Variants in HEATR1 observed in about 807,000 individuals in gnomAD.
The protein encoded by HEATR1 is HEAT repeat-containing protein 1.
A neutral mutation model predicts 248.2 loss-of-function variants in HEATR1; 77 were observed. The observed-to-expected ratio is 0.31, with a 90% CI of 0.26 to 0.37. The LOEUF is 0.37. Ranked by LOEUF, HEATR1 falls within the 10% of genes least tolerant of loss-of-function variation. HEATR1 has a pLI of 1.00. For synonymous variants in HEATR1, 897 were observed against 923.1 expected (o/e 0.97, Z 0.51); for missense variants, 2,420 against 2,504.9 (o/e 0.97, Z 0.72).
intron 10 of HEATR1, 132 bp downstream of exon 10, chr1:236,592,391 C>T: frequency 1.6e-6 from 1 of 608,432 alleles, no homozygotes; most frequent in South Asian, 2.0e-5. Flanking sequence ...CCGATACTCG[C>T]CCCTTCTTGA....
intron 29 of HEATR1, among the ~76,000 whole-genome samples, chr1:236,567,711 A>G (rs543072114): frequency 3.9e-5 from 6 of 151,980 alleles, no homozygotes; most frequent in Admixed American, 3.9e-4. Flanking sequence ...CTCTGTCTCA[A>G]ACAAACAAAA....
At position 236,558,466 on chromosome 1, in the gene HEATR1, C is replaced by A; in HGVS notation, c.4975G>T (p.Gly1659Trp). Residue 1659 changes from glycine to tryptophan, a missense_variant, in exon 36 of 45, where the codon GGG becomes TGG. Coordinates refer to ENST00000366582, the MANE Select transcript of HEATR1 (RefSeq NM_018072.6). ...CTGTTGATTGCTTGTTCTTCTTCCC[C>A]TTCCTTTTTCTTACGCTGCACAATG... ...LAIVQRKKKEGEEEQAINRQT... is the reference protein window; with the variant it reads ...LAIVQRKKKEWEEEQAINRQT... 1 of 1,614,202 alleles carries A rather than the reference C, an allele frequency of 6.2e-7. No homozygotes were observed. Among genetic ancestry groups the A allele is most frequent in the Non-Finnish European group, 8.5e-7 (1 of 1,180,034 alleles).
Position 236,571,412 on chromosome 1 carries a change from T to A in HEATR1, c.3887A>T (p.Glu1296Val). ...GGCATGGTGATGGGTCTGCGGCATC[T>A]CCGAAAGGCGGATGCACTGAACTAT... is the stretch of plus-strand genomic sequence containing the variant. ...ELIVQCIRLS[E>V]MPQTHHHALL... Residue 1296 changes from glutamate to valine, a missense_variant, in exon 28 of 45, where the codon GAG (glutamate) becomes GTG (valine). By Grantham distance (121) the Glu-to-Val change is moderately radical (BLOSUM62 -2). Coordinates refer to ENST00000366582, the MANE Select transcript of HEATR1 (RefSeq NM_018072.6). 6.2e-7 allele frequency: 1 copy of A among 1,613,262 alleles called. No homozygotes were observed. The highest frequency in any genetic ancestry group is 8.5e-7 in the Non-Finnish European group (1 of 1,179,822).
rs1663885137 is a variant in HEATR1 at position 236,586,381 on chromosome 1, G to A, written c.1787C>T (p.Ser596Leu). The change falls in exon 15 of 45, where the codon TCA becomes TTA. Residue 596 changes from serine (S) to leucine (L), a missense_variant. Transcript: ENST00000366582. ...EEILSENDQL[S>L]NQVVVCLLPF... ...CAGCAAACATACAACCACCTGATTT[G>A]ACAACTGATCATTTTCACTCAGTAT... The A allele has an allele frequency of 6.2e-7, 1 of 1,613,132 alleles. No homozygotes were observed. Among genetic ancestry groups the A allele is most frequent in the Non-Finnish European group, 8.5e-7 (1 of 1,179,264 alleles).
In HEATR1 at chr1:236,574,216, T is replaced by C. The variant is rs770963849; in HGVS notation, c.3445A>G (p.Ser1149Gly). 1.2e-5 allele frequency: 19 copies of C among 1,606,088 alleles called. No individual in the cohort carries two copies. The Admixed American group carries it at 3.3e-4, about 28-fold the overall frequency. ...KNSHCAQTVS[S>G]VFKGISVNAE... ...TTGCAGCTTACCCCTTTAAAAACAC[T>C]GCTGACAGTCTGAGCACAATGTGAG... Residue 1149 changes from serine to glycine, a missense_variant, in exon 24 of 45, where the codon AGT becomes GGT. Transcript: ENST00000366582.
intron 33 of HEATR1, among the ~76,000 whole-genome samples, chr1:236,560,789 A>G (rs74152013): frequency 1.4e-3 from 213 of 152,362 alleles, no homozygotes; most frequent in African/African-American, 4.9e-3. Flanking sequence ...TCATGAGCCC[A>G]TAGAAATCAG....
chr1:236,550,818 G>C lies in HEATR1; in HGVS notation c.*84C>G. On this transcript the variant is annotated 3_prime_UTR_variant, in exon 45 of 45. Transcript: ENST00000366582. ...AAGTAGGTGTATTAAGGCACCAAAA[G>C]TAACATGGCACCCAACACCCAAAAA... The C allele has an allele frequency of 2.8e-6, 3 of 1,056,318 alleles. No homozygotes were observed. In the South Asian group the frequency reaches 4.5e-5, roughly 16 times the overall value. The allele number at this position is 1,056,318 out of a possible 1,614,324, so 65.4% of individuals were successfully genotyped here.
chr1:236,597,259 T>A (rs200689958), intron 5 of HEATR1, among the ~76,000 whole-genome samples: 71,192 of 132,564 alleles, frequency 0.54, 18,515 homozygotes, highest in Non-Finnish European at 0.64. Flanking sequence ...AAAAAAAATT[T>A]TTTTTTTTTT....
Position 236,555,609 on chromosome 1 carries a change from C to G in HEATR1, c.5696G>C (p.Cys1899Ser), listed in dbSNP as rs1350741317. 9 of 1,614,134 alleles carry G rather than the reference C, an allele frequency of 5.6e-6. No homozygotes were observed. In the South Asian group the frequency reaches 8.8e-5, roughly 16 times the overall value. Residue 1899 changes from cysteine (C) to serine (S), a missense_variant, in exon 40 of 45, where the codon TGT (cysteine) becomes TCT (serine). Coordinates refer to ENST00000366582, the MANE Select transcript of HEATR1 (RefSeq NM_018072.6). ...VGKTENCIID[C>S]LVAMVVKLSE... ...AAGTTTGACAACCATGGCTACTAGA[C>G]AGTCAATGATACAATTTTCCGTTTT...
rs34171040 is a variant in HEATR1, at chr1:236,577,489, C to CT, written c.2756-541dup. 2.1e-3 allele frequency among the ~76,000 whole-genome samples: 300 copies of CT among 140,666 alleles called. 3 individuals carry two copies. The East Asian group carries it at 0.027, about 13-fold the overall frequency. The allele number at this position is 140,666 out of a possible 152,430, so 92.3% of individuals were successfully genotyped here. On this transcript the variant is annotated intron_variant, in intron 20 of 44. Coordinates refer to ENST00000366582, the MANE Select transcript of HEATR1 (RefSeq NM_018072.6). ...ACATACATATCCAAATTACATCATT[C>CT]TTTTTTTTTTTTTTTTCAGATGGAG...
intron 5 of HEATR1, among the ~76,000 whole-genome samples, chr1:236,597,425 G>A (rs1339218781): frequency 6.6e-6 from 1 of 151,872 alleles, no homozygotes; most frequent in Non-Finnish European, 1.5e-5. Context: ...GTTTATTTTC[G>A]TATTTTTAGT....
chr1:236,566,857 A>G lies in HEATR1; in HGVS notation c.4097T>C (p.Ile1366Thr), dbSNP rs115684254. 7,363 of 1,613,710 alleles carry G rather than the reference A, an allele frequency of 4.6e-3. 20 individuals are homozygous for G. The highest frequency in any genetic ancestry group is 6.5e-3 in the South Asian group (595 of 91,078). The change falls in exon 30 of 45, where the codon ATA (isoleucine) becomes ACA (threonine). Residue 1366 changes from isoleucine (I) to threonine (T), a missense_variant. Ile to Thr is a moderately conservative substitution (Grantham distance 89, BLOSUM62 -1). Transcript: ENST00000366582. ...ALIQSDSGDSIEVSRNVEEIV... is the reference protein window; with the variant it reads ...ALIQSDSGDSTEVSRNVEEIV... ...CTCTTCAACGTTTCTTGAAACTTCTATAGAATCTCCACTATCAGACTGCAA... is the reference window on the plus strand; with the variant it reads ...CTCTTCAACGTTTCTTGAAACTTCTGTAGAATCTCCACTATCAGACTGCAA...
chr1:236,553,483 C>A, intron 43 of HEATR1, 98 bp downstream of exon 43: 1 of 1,185,126 alleles, frequency 8.4e-7, no homozygotes, highest in East Asian at 2.4e-5. Context: ...TTCTTCCCTG[C>A]CAGTTTACTA....
chr1:236,587,086 G>T (rs774635610), intron 14 of HEATR1, among the ~76,000 whole-genome samples: 6 of 151,954 alleles, frequency 3.9e-5, no homozygotes, highest in Non-Finnish European at 8.8e-5. Flanking sequence ...TAATTATAAA[G>T]TAAAAATTAC....
chr1:236,556,527 A>T (rs1357104900), intron 37 of HEATR1, among the ~76,000 whole-genome samples: 3 of 152,240 alleles, frequency 2.0e-5, no homozygotes, highest in Non-Finnish European at 4.4e-5. Context: ...CTTAGAGGAC[A>T]GGAATGCAAG....
At chr1:236,604,224 A>G in intron 1 of HEATR1, 97 bp from the exon 2 acceptor site, 1 of 935,470 alleles carries the variant, frequency 1.1e-6, no homozygotes, top group East Asian at 3.0e-5. Flanking sequence ...TCATGGACAC[A>G]CAACGCGGGT....
rs202200935 is a variant in HEATR1 at position 236,553,587 on chromosome 1, C to T, written c.6231G>A (p.Ser2077=). Residue 2077 remains serine, a synonymous_variant, in exon 43 of 45, where the codon TCG becomes TCA. Transcript: ENST00000366582. ...TTGTCACGCAGTTCCTAACCTTAGG[C>T]GAGGAGTCTCTCGTCTTTAGCAGAA... ...YQILLKTRDS[S]PKVRFAALIT... The T allele has an allele frequency of 9.9e-6, 16 of 1,613,348 alleles. No individual in the cohort carries two copies. The East Asian group carries it at 2.0e-4, about 20-fold the overall frequency.
At position 236,586,735 on chromosome 1, in the gene HEATR1, T is replaced by TA. The variant is rs371217195; in HGVS notation, c.1716-284dup. 1.6e-3 allele frequency among the ~76,000 whole-genome samples: 244 copies of TA among 149,834 alleles called. 2 individuals are homozygous for TA. The highest frequency in any genetic ancestry group is 5.5e-3 in the African/African-American group (227 of 40,988). On this transcript the variant is annotated intron_variant, in intron 14 of 44. Coordinates refer to ENST00000366582, the MANE Select transcript of HEATR1 (RefSeq NM_018072.6). ...TTAATCTGCTCATCCTGTCTAATCT[T>TA]AAAAAAAAAATAATAATTTTTCTTA...
chr1:236,552,049 T>C lies in HEATR1; in HGVS notation c.6296A>G (p.Tyr2099Cys). Residue 2099 changes from tyrosine (Y) to cysteine (C), a missense_variant, in exon 44 of 45, where the codon TAT becomes TGT. By Grantham distance (194) the Tyr-to-Cys change is radical. Coordinates refer to ENST00000366582, the MANE Select transcript of HEATR1 (RefSeq NM_018072.6). ...LALAEKLKEN[Y>C]IVLLPESIPF... ...AATGGATTCTGGTAGCAAGACAATATAATTCTCCTTTAGTTTTTCAGCCAG... is the reference window on the plus strand; with the variant it reads ...AATGGATTCTGGTAGCAAGACAATACAATTCTCCTTTAGTTTTTCAGCCAG... The C allele has an allele frequency of 6.2e-7, 1 of 1,613,772 alleles. No individual in the cohort carries two copies. The highest frequency in any genetic ancestry group is 8.5e-7 in the Non-Finnish European group (1 of 1,179,814).
Sources: allele counts gnomAD v4.1 joint callset (sites outside exome capture counted in the v4.1 genomes callset), GRCh38; gene constraint gnomAD v4.1.1; transcripts MANE v1.5; gene names NCBI Gene and HGNC (gene_info 2026-07-23, HGNC 2026-07-21).